Variants in SDK2 observed in about 807,000 individuals in gnomAD.
The protein encoded by SDK2 is protein sidekick-2.
Under a neutral mutation model 253.9 loss-of-function variants are expected in SDK2, and 105 were observed. The ratio of observed to expected loss-of-function variants is 0.41; its 90% CI spans 0.35 to 0.49. The LOEUF is 0.49. Among genes scored for constraint, SDK2 ranks in the 20% least tolerant of loss-of-function variants. The pLI is 0.06. For synonymous variants in SDK2, 1,249 were observed against 1,234.9 expected (o/e 1.01, Z -0.24); for missense variants, 2,608 against 3,003.0 (o/e 0.87, Z 3.07).
chr17:73,480,664 CAGAG>C (rs2063716505), intron 2 of SDK2, among the ~76,000 whole-genome samples: 2 of 151,934 alleles, frequency 1.3e-5, no homozygotes, highest in South Asian at 4.2e-4. Flanking sequence ...GTCAGAGAGA[CAGAG>C]AGATCTAGGG....
Position 73,350,651 on chromosome 17 carries a change from C to G in SDK2, c.5898G>C (p.Ser1966=). ...CATGGCTGGTGCCAGCTCACTCACCCGAGTCTGTCTTCTTGGCGTACTTCT... is the reference window on the plus strand; with the variant it reads ...CATGGCTGGTGCCAGCTCACTCACCGGAGTCTGTCTTCTTGGCGTACTTCT... ...QSKKYAKKTD[S]GNSAKSGALG... is the part of the protein sequence containing the mutation. The change falls in exon 42 of 45, where the codon TCG becomes TCC. Residue 1966 remains serine (S), a splice_region_variant and synonymous_variant. Transcript: ENST00000392650. The G allele has an allele frequency of 6.2e-7, 1 of 1,609,452 alleles. No homozygotes were observed. Among genetic ancestry groups the G allele is most frequent in the Non-Finnish European group, 8.5e-7 (1 of 1,178,066 alleles).
chr17:73,457,272 T>C (rs866862021), intron 3 of SDK2, among the ~76,000 whole-genome samples: 13 of 45,662 alleles, frequency 2.8e-4, no homozygotes, highest in East Asian at 2.3e-3. Context: ...CCTTCCTTCC[T>C]TCCTTCCTTC....
intron 1 of SDK2, among the ~76,000 whole-genome samples, chr17:73,530,799 A>G (rs1404025341): frequency 1.3e-5 from 2 of 152,206 alleles, no homozygotes; most frequent in African/African-American, 4.8e-5. Flanking sequence ...TTGAGCATCT[A>G]TTAGTGAGAA....
At chr17:73,412,162 G>A (rs62072155) in intron 18 of SDK2, among the ~76,000 whole-genome samples, 60,223 of 142,198 alleles carry the variant, frequency 0.42, 14,035 homozygotes, top group Non-Finnish European at 0.52. Flanking sequence ...ACGTATATAT[G>A]TATATACACA....
chr17:73,463,187 G>GCC (rs1459867458), intron 3 of SDK2, among the ~76,000 whole-genome samples: 1 of 152,176 alleles, frequency 6.6e-6, no homozygotes, highest in Non-Finnish European at 1.5e-5. Context: ...TTGCTAATAC[G>GCC]CCGTGTTATG....
At chr17:73,567,002 A>G (rs2045322151) in intron 1 of SDK2, among the ~76,000 whole-genome samples, 1 of 152,202 alleles carries the variant, frequency 6.6e-6, no homozygotes, top group African/African-American at 2.4e-5. Context: ...AGATAAATTT[A>G]CATGACTAAA....
Position 73,421,043 on chromosome 17 carries a change from G to A in SDK2, c.2045+1244C>T, listed in dbSNP as rs187655205. 2.5e-4 allele frequency among the ~76,000 whole-genome samples: 38 copies of A among 152,296 alleles called. No homozygotes were observed. The East Asian group carries it at 4.8e-3, about 19-fold the overall frequency. ...TGAGTCAGTGTGATGCGGTGCAGCC[G>A]CAGGGCAGGAGAAGTTGCAGGGTAG... is the stretch of plus-strand genomic sequence containing the variant. On this transcript the variant is annotated intron_variant, in intron 15 of 44. Coordinates refer to ENST00000392650, the MANE Select transcript of SDK2 (RefSeq NM_001144952.2).
chr17:73,601,655 G>A (rs1326113322), intron 1 of SDK2, among the ~76,000 whole-genome samples: 5 of 152,094 alleles, frequency 3.3e-5, no homozygotes, highest in African/African-American at 7.2e-5. Context: ...GCTAGGAGAC[G>A]GTCCCGGGAC....
intron 1 of SDK2, among the ~76,000 whole-genome samples, chr17:73,578,390 A>G (rs1012828641): frequency 3.3e-4 from 51 of 152,250 alleles, no homozygotes; most frequent in African/African-American, 1.2e-3. Flanking sequence ...TAGCCCAGTG[A>G]GGCTCATTTT....
At chr17:73,512,971 G>A (rs1417778622) in intron 1 of SDK2, among the ~76,000 whole-genome samples, 1 of 152,040 alleles carries the variant, frequency 6.6e-6, no homozygotes, top group Non-Finnish European at 1.5e-5. Context: ...ATGGATCAAT[G>A]TTTTAAACAT....
intron 15 of SDK2, among the ~76,000 whole-genome samples, 181 bp downstream of exon 15, chr17:73,422,106 C>G (rs1568395984): frequency 6.6e-6 from 1 of 152,148 alleles, no homozygotes; most frequent in Non-Finnish European, 1.5e-5. Flanking sequence ...CTCAGAGCAC[C>G]CCATTTAACC....
intron 1 of SDK2, among the ~76,000 whole-genome samples, chr17:73,619,808 T>C (rs1356260993): frequency 6.6e-6 from 1 of 151,950 alleles, no homozygotes; most frequent in Non-Finnish European, 1.5e-5. Context: ...TGAAAGAAAA[T>C]ATTTGCAAAT....
intron 36 of SDK2, among the ~76,000 whole-genome samples, chr17:73,377,525 C>G (rs149346847): frequency 1.3e-5 from 2 of 150,946 alleles, no homozygotes; most frequent in South Asian, 4.2e-4. Flanking sequence ...GGCCCATGTT[C>G]CTTTTTAAAT....
chr17:73,580,676 C>T (rs774474255), intron 1 of SDK2, among the ~76,000 whole-genome samples: 3 of 152,152 alleles, frequency 2.0e-5, no homozygotes, highest in Non-Finnish European at 4.4e-5. Flanking sequence ...TATGTGTAAG[C>T]GGAGGAGCTA....
chr17:73,418,813 G>A (rs925971504), intron 16 of SDK2, among the ~76,000 whole-genome samples: 5 of 152,088 alleles, frequency 3.3e-5, no homozygotes, highest in African/African-American at 1.2e-4. Flanking sequence ...CTCCACTCAC[G>A]GGTCAAGAGA....
chr17:73,391,359 C>T (rs1488936229), intron 28 of SDK2, 81 bp downstream of exon 28: 4 of 729,056 alleles, frequency 5.5e-6, no homozygotes, highest in Non-Finnish European at 7.8e-6. Context: ...CTCCCTCAAG[C>T]TGGTAACGAA....
At chr17:73,522,226 G>A (rs561075103) in intron 1 of SDK2, among the ~76,000 whole-genome samples, 66 of 152,388 alleles carry the variant, frequency 4.3e-4, no homozygotes, top group Middle Eastern at 3.4e-3. Context: ...CGGAGCTCCA[G>A]GGTGGGCGGA....
rs1172958243 is a variant in SDK2 at position 73,467,014 on chromosome 17, G to A, written c.331+5098C>T. On this transcript the variant is annotated intron_variant, in intron 3 of 44. Transcript: ENST00000392650. The surrounding 1 kb of genome is among the most constrained non-coding windows in gnomAD (Gnocchi z 4.1). Reference sequence around the variant, plus strand: ...GGCACAAGGGCCATGCCTGGCACACGGAAGAACCCTGGAGCTCTGTGTAGG... The same window carrying A: ...GGCACAAGGGCCATGCCTGGCACACAGAAGAACCCTGGAGCTCTGTGTAGG... Among the ~76,000 whole-genome samples the A allele has an allele frequency of 1.3e-5, 2 of 152,074 alleles. No individual in the cohort carries two copies. The highest frequency in any genetic ancestry group is 4.8e-5 in the African/African-American group (2 of 41,414).
intron 1 of SDK2, among the ~76,000 whole-genome samples, chr17:73,595,142 A>G (rs756110648): frequency 2.0e-5 from 3 of 152,204 alleles, no homozygotes; most frequent in African/African-American, 7.2e-5. Context: ...CACTTGCTGA[A>G]TAAGTGAAGC....
Sources: allele counts gnomAD v4.1 joint callset (sites outside exome capture counted in the v4.1 genomes callset), GRCh38; gene constraint gnomAD v4.1.1; non-coding constraint Gnocchi (gnomAD v3.1); transcripts MANE v1.5; gene names NCBI Gene and HGNC (gene_info 2026-07-23, HGNC 2026-07-21).